The following LIPA variants were observed in gnomAD, a reference collection of about 807,000 sequenced individuals.
The protein encoded by LIPA is lipase A, lysosomal acid type, also known as lysosomal acid lipase/cholesteryl ester hydrolase.
Under a neutral mutation model 40.6 loss-of-function variants are expected in LIPA, and 26 were observed. The ratio of observed to expected loss-of-function variants is 0.64; its 90% CI spans 0.47 to 0.89. LIPA has a LOEUF of 0.89. LIPA is among the 40% of genes least tolerant of loss of function. The pLI, the probability that LIPA is intolerant of heterozygous loss-of-function variation, is 0.00. For missense variants in LIPA, 455 were observed against 479.6 expected (o/e 0.95, Z 0.48); for synonymous variants, 188 against 168.4 (o/e 1.12, Z -0.90).
At chr10:89,254,248 A>T (rs1423758795), upstream of LIPA, among the ~76,000 whole-genome samples, 1 of 152,220 alleles carries the variant, frequency 6.6e-6, no homozygotes, top group Non-Finnish European at 1.5e-5. Flanking sequence ...TTCTGCCTGG[A>T]CATTCAGGCT....
At chr10:89,402,707 G>A (rs1301985438) in intron 2 of LIPA, 10 of 1,614,114 alleles carry the variant, frequency 6.2e-6, no homozygotes, top group Non-Finnish European at 8.5e-6. Flanking sequence ...TAGACTGTGA[G>A]GAAGGATGGG....
At chr10:89,307,548 C>T in intron 1 of LIPA, 1 of 564,142 alleles carries the variant, frequency 1.8e-6, no homozygotes, top group East Asian at 2.9e-5. Context: ...CTTGAGAGAG[C>T]CCAAGGAGTT....
chr10:89,334,682 G>T (rs1337215473), intron 1 of LIPA, among the ~76,000 whole-genome samples: 1 of 150,588 alleles, frequency 6.6e-6, no homozygotes, highest in Non-Finnish European at 1.5e-5. Context: ...TAGTACAGGC[G>T]GGGTTTCATC....
intron 2 of LIPA, among the ~76,000 whole-genome samples, chr10:89,387,775 G>C (rs1185318072): frequency 6.6e-6 from 1 of 152,146 alleles, no homozygotes; most frequent in East Asian, 1.9e-4. Flanking sequence ...TAAATGGATG[G>C]GTGGATAGAG....
intron 2 of LIPA, among the ~76,000 whole-genome samples, chr10:89,398,196 G>A (rs1844372604): frequency 6.6e-6 from 1 of 152,234 alleles, no homozygotes; most frequent in Non-Finnish European, 1.5e-5. Flanking sequence ...GCTGAAGGCA[G>A]CTGTTCTATA....
chr10:89,317,081 A>G (rs912964940), intron 1 of LIPA, among the ~76,000 whole-genome samples: 7 of 152,238 alleles, frequency 4.6e-5, no homozygotes, highest in Admixed American at 4.6e-4. Flanking sequence ...CAAAGACCAA[A>G]GGTAGATAAA....
At chr10:89,247,694 C>T (rs1245852749) in intron 1 of LIPA, 45 bp from the exon 2 acceptor site, 20 of 1,362,134 alleles carry the variant, frequency 1.5e-5, no homozygotes, top group Non-Finnish European at 2.1e-5. Flanking sequence ...AATTTTACTA[C>T]ACAAAAATAT....
chr10:89,235,852 C>T lies in LIPA; in HGVS notation c.230-7454G>A, dbSNP rs115432892. On this transcript the variant is annotated intron_variant, in intron 3 of 9. Coordinates refer to ENST00000336233, the MANE Select transcript of LIPA (RefSeq NM_000235.4). ...GTGTCCTTTTCTAAAGTGAGAATGA[C>T]GAAGTAGTTAATACATAGTAAAGCT... Among the ~76,000 whole-genome samples, 729 of 152,232 alleles carry T rather than the reference C, an allele frequency of 4.8e-3. 2 individuals are homozygous for T. Among genetic ancestry groups the T allele is most frequent in the African/African-American group, 0.017 (689 of 41,522 alleles).
chr10:89,262,321 CT>C (rs370203887), intron 1 of LIPA, among the ~76,000 whole-genome samples: 3 of 152,166 alleles, frequency 2.0e-5, no homozygotes, highest in African/African-American at 7.2e-5. Context: ...TCTAGTAAGG[CT>C]TCCCTCAGTG....
At chr10:89,280,251 T>C (rs1406337193) in intron 1 of LIPA, among the ~76,000 whole-genome samples, 1 of 152,114 alleles carries the variant, frequency 6.6e-6, no homozygotes, top group Non-Finnish European at 1.5e-5. Flanking sequence ...TTTTTATTTT[T>C]ATAATTAGAA....
At chr10:89,258,103 A>G (rs918617785) in intron 1 of LIPA, among the ~76,000 whole-genome samples, 2 of 152,216 alleles carry the variant, frequency 1.3e-5, no homozygotes, top group African/African-American at 4.8e-5. Context: ...AAAAATAAGA[A>G]TACTGAATAA....
At chr10:89,317,669 C>A (rs187558115) in intron 1 of LIPA, among the ~76,000 whole-genome samples, 1 of 152,268 alleles carries the variant, frequency 6.6e-6, no homozygotes, top group Non-Finnish European at 1.5e-5. Flanking sequence ...GAGAACTTCC[C>A]CAACCTAGCA....
chr10:89,384,154 A>ACACC, intron 2 of LIPA: 1 of 1,614,232 alleles, frequency 6.2e-7, no homozygotes, highest in Non-Finnish European at 8.5e-7. Context: ...CTTGGAGACA[A>ACACC]CACCCACTTC....
chr10:89,389,975 CTTTTTTTT>C (rs56947144), intron 2 of LIPA, among the ~76,000 whole-genome samples: 7 of 80,344 alleles, frequency 8.7e-5, no homozygotes, highest in African/African-American at 1.6e-4. Context: ...AGATTTCTTT[CTTTTTTTT>C]TTTTTTTTTT....
intron 3 of LIPA, among the ~76,000 whole-genome samples, chr10:89,238,139 G>A (rs928266417): frequency 3.9e-5 from 6 of 152,202 alleles, no homozygotes; most frequent in Non-Finnish European, 8.8e-5. Context: ...GCCAATCAAG[G>A]AAATCAAGAA....
rs1022969419 is a variant in LIPA, at chr10:89,352,414, T to C, written c.61+60377A>G. Among the ~76,000 whole-genome samples the C allele has an allele frequency of 3.9e-5, 6 of 152,194 alleles. No homozygotes were observed. In the South Asian group the frequency reaches 8.3e-4, roughly 21 times the overall value. ...ATTCATGGAAAGGCACGAGGCTCAA[T>C]TGCACATGTGCATATTTTCCCTTTC... On this transcript the variant is annotated intron_variant, in intron 2 of 8. Coordinates refer to the LIPA transcript ENST00000371837.
At position 89,338,958 on chromosome 10, in the gene LIPA, C is replaced by A. The variant is rs776619590; in HGVS notation, c.-2+3653G>T. 9.3e-6 allele frequency: 15 copies of A among 1,614,152 alleles called. No individual in the cohort carries two copies. The Admixed American group carries it at 2.2e-4, about 23-fold the overall frequency. On this transcript the variant is annotated intron_variant, in intron 1 of 5. Transcript: ENST00000282673. Reference sequence around the variant, plus strand: ...GTCTAGTCACTTGGGGAAACTACGCCTGGGTCTACTATCACTTGGGCAGAC... The same window carrying A: ...GTCTAGTCACTTGGGGAAACTACGCATGGGTCTACTATCACTTGGGCAGAC...
At chr10:89,284,726 G>A (rs1843332709) in intron 1 of LIPA, among the ~76,000 whole-genome samples, 2 of 152,086 alleles carry the variant, frequency 1.3e-5, no homozygotes, top group Admixed American at 1.3e-4. Flanking sequence ...TATATGTCAG[G>A]CCTCTGAGCC....
intron 2 of LIPA, chr10:89,403,126 C>T: frequency 6.2e-7 from 1 of 1,614,134 alleles, no homozygotes; most frequent in Non-Finnish European, 8.5e-7. Context: ...ACACCCACTT[C>T]TGTCTTACTG....
Sources: allele counts gnomAD v4.1 joint callset (sites outside exome capture counted in the v4.1 genomes callset), GRCh38; gene constraint gnomAD v4.1.1; transcripts MANE v1.5; gene names NCBI Gene and HGNC (gene_info 2026-07-23, HGNC 2026-07-21).